Variants in NTRK2 observed in about 807,000 individuals in gnomAD.
NTRK2 encodes neurotrophic receptor tyrosine kinase 2.
A neutral mutation model predicts 94.5 loss-of-function variants in NTRK2; 13 were observed. The ratio of observed to expected loss-of-function variants is 0.14; its 90% confidence interval spans 0.09 to 0.22. NTRK2 has a LOEUF of 0.22. Ranked by LOEUF, NTRK2 falls within the 10% of genes least tolerant of loss-of-function variation. The pLI, the probability that NTRK2 is intolerant of heterozygous loss-of-function variation, is 1.00. For missense variants in NTRK2, 639 were observed against 1,071.2 expected (o/e 0.60, Z 5.63); for synonymous variants, 372 against 407.4 (o/e 0.91, Z 1.05).
intron 12 of NTRK2, among the ~76,000 whole-genome samples, chr9:84,855,247 G>A (rs1378548308): frequency 6.6e-6 from 1 of 152,156 alleles, no homozygotes; most frequent in African/African-American, 2.4e-5. Flanking sequence ...ATTGGGGGAG[G>A]AAAGAATGAA....
intron 12 of NTRK2, among the ~76,000 whole-genome samples, chr9:84,769,386 T>A (rs2066319789): frequency 6.6e-6 from 1 of 152,226 alleles, no homozygotes; most frequent in Non-Finnish European, 1.5e-5. Context: ...AGTCCCTGAA[T>A]GATCACCTGA....
chr9:84,704,297 C>T (rs1200129229), intron 4 of NTRK2, among the ~76,000 whole-genome samples: 6 of 134,374 alleles, frequency 4.5e-5, no homozygotes, highest in East Asian at 2.2e-4. Context: ...GGCTCGATCT[C>T]GGCTCACTGC....
At chr9:84,904,649 G>A (rs1300247958) in intron 14 of NTRK2, among the ~76,000 whole-genome samples, 1 of 152,140 alleles carries the variant, frequency 6.6e-6, no homozygotes, top group African/African-American at 2.4e-5. Context: ...GTGTATGGGA[G>A]GTATTTCTGT....
intron 12 of NTRK2, among the ~76,000 whole-genome samples, chr9:84,782,217 G>T (rs1434536371): frequency 6.6e-6 from 1 of 152,170 alleles, no homozygotes; most frequent in African/African-American, 2.4e-5. Flanking sequence ...ACCAAGCCAG[G>T]CATGTGAGCT....
chr9:84,999,042 C>T (rs1039818990), intron 17 of NTRK2, among the ~76,000 whole-genome samples: 5 of 152,314 alleles, frequency 3.3e-5, no homozygotes, highest in Admixed American at 2.6e-4. Flanking sequence ...TCTGCACACT[C>T]TTTAGTGCCT....
At chr9:84,813,735 C>T in intron 12 of NTRK2, 1 of 1,066,162 alleles carries the variant, frequency 9.4e-7, no homozygotes, top group East Asian at 5.0e-5. Context: ...CAAATCCTTC[C>T]TCCTATTATA....
chr9:84,771,605 A>G (rs2066551176), intron 12 of NTRK2, among the ~76,000 whole-genome samples: 1 of 152,222 alleles, frequency 6.6e-6, no homozygotes, highest in Non-Finnish European at 1.5e-5. Flanking sequence ...ATCAGCATTT[A>G]TCGCAGACTG....
intron 12 of NTRK2, among the ~76,000 whole-genome samples, chr9:84,826,006 G>A (rs111603789): frequency 2.6e-5 from 4 of 152,308 alleles, no homozygotes; most frequent in East Asian, 1.9e-4. Flanking sequence ...TCTGAGGCAC[G>A]GAAGATCAGT....
intron 6 of NTRK2, among the ~76,000 whole-genome samples, chr9:84,715,919 A>G (rs748430802): frequency 6.6e-5 from 10 of 152,192 alleles, no homozygotes; most frequent in African/African-American, 2.4e-4. Flanking sequence ...TTTAAAAAAT[A>G]CTATCATTAT....
chr9:84,818,873 C>T (rs1481112185), intron 12 of NTRK2, among the ~76,000 whole-genome samples: 2 of 152,216 alleles, frequency 1.3e-5, no homozygotes, highest in East Asian at 1.9e-4. Context: ...AAAATGCCTG[C>T]GCTGTTCCTT....
chr9:84,966,734 G>A (rs1825603200), intron 17 of NTRK2, among the ~76,000 whole-genome samples: 2 of 152,186 alleles, frequency 1.3e-5, no homozygotes, highest in African/African-American at 4.8e-5. Flanking sequence ...CCCAGCCAGT[G>A]TAGAGCTATT....
intron 14 of NTRK2, among the ~76,000 whole-genome samples, chr9:84,901,718 A>G (rs1281902308): frequency 6.6e-6 from 1 of 152,082 alleles, no homozygotes; most frequent in African/African-American, 2.4e-5. Context: ...TGGTGCTAAG[A>G]GTGAGCTAAC....
chr9:84,756,934 C>T (rs575251994), intron 12 of NTRK2, among the ~76,000 whole-genome samples: 1 of 152,280 alleles, frequency 6.6e-6, no homozygotes, highest in African/African-American at 2.4e-5. Flanking sequence ...AAAAATCTGC[C>T]TATTTAAAAA....
chr9:84,908,938 C>T (rs536529708), intron 14 of NTRK2, among the ~76,000 whole-genome samples: 1 of 152,284 alleles, frequency 6.6e-6, no homozygotes, highest in Non-Finnish European at 1.5e-5. Flanking sequence ...GTGCCCTTTA[C>T]CCAGTTTCCC....
intron 12 of NTRK2, among the ~76,000 whole-genome samples, chr9:84,854,322 A>G (rs1361613212): frequency 1.3e-5 from 2 of 151,886 alleles, no homozygotes; most frequent in Admixed American, 6.6e-5. Context: ...CAGACTTCCT[A>G]CCTCTTTTTG....
chr9:84,849,779 G>A (rs573617259), intron 12 of NTRK2, among the ~76,000 whole-genome samples: 89 of 152,196 alleles, frequency 5.8e-4, no homozygotes, highest in African/African-American at 2.0e-3. Context: ...ATGTTCCTAC[G>A]GTTGTCTATC....
In NTRK2 at chr9:84,732,846, A is replaced by G. The variant is rs902238241; in HGVS notation, c.1159+4887A>G. On this transcript the variant is annotated intron_variant, in intron 9 of 18. Transcript: ENST00000277120. ...CCTGGATACCTTTGTGGGCTTTTGGAGATTTCTCTCTCTGTATTTCCCATG... is the reference window on the plus strand; with the variant it reads ...CCTGGATACCTTTGTGGGCTTTTGGGGATTTCTCTCTCTGTATTTCCCATG... 5.9e-5 allele frequency among the ~76,000 whole-genome samples: 9 copies of G among 152,204 alleles called. No individual in the cohort carries two copies. In the South Asian group the frequency reaches 1.9e-3, roughly 32 times the overall value.
intron 2 of NTRK2, among the ~76,000 whole-genome samples, chr9:84,691,882 C>T (rs2060070816): frequency 6.6e-6 from 1 of 152,144 alleles, no homozygotes; most frequent in Non-Finnish European, 1.5e-5. Flanking sequence ...GAGAGATGGT[C>T]CTCTTGTGAG....
intron 12 of NTRK2, chr9:84,814,916 T>C: frequency 2.8e-6 from 3 of 1,060,440 alleles, no homozygotes; most frequent in Non-Finnish European, 3.4e-6. Context: ...TTAAGTGTGT[T>C]CTGCTATGTT....
Sources: gnomAD v4.1 joint callset for allele counts (sites outside exome capture counted in the v4.1 genomes callset) on GRCh38, gnomAD v4.1.1 for gene constraint, MANE v1.5 for transcripts, NCBI Gene and HGNC (gene_info 2026-07-23, HGNC 2026-07-21) for gene names.